Variants in UACA observed in about 807,000 individuals in gnomAD.
UACA encodes uveal autoantigen with coiled-coil domains and ankyrin repeats.
In UACA, 112 loss-of-function variants were observed where a neutral mutation model predicts 160.5. That is an observed-to-expected ratio of 0.70 (90% CI 0.60 to 0.82). The LOEUF (loss-of-function observed/expected upper bound fraction) is 0.82. Among genes scored for constraint, UACA ranks in the 40% least tolerant of loss-of-function variants. The probability of loss-of-function intolerance (pLI) is 0.00; values close to 1 mark genes in which losing one functional copy is unlikely to be tolerated. For missense variants in UACA, 1,574 were observed against 1,614.6 expected, an observed-to-expected ratio of 0.97 and a Z score of 0.43; for synonymous variants, 557 against 568.4, an observed-to-expected ratio of 0.98 and a Z score of 0.29.
upstream of UACA, among the ~76,000 whole-genome samples, chr15:70,766,445 C>CT (rs149241709): frequency 4.7e-5 from 7 of 149,198 alleles, no homozygotes; most frequent in Non-Finnish European, 7.5e-5. Flanking sequence ...TGTTTTACTT[C>CT]TTTTTTTTTT....
upstream of UACA, chr15:70,763,583 C>T (rs368150966): frequency 6.0e-4 from 726 of 1,211,110 alleles, 4 homozygotes; most frequent in African/African-American, 0.01. Context: ...GCTCCCCTCC[C>T]GTAGCCAATT....
intron 1 of UACA, among the ~76,000 whole-genome samples, chr15:70,713,296 C>T (rs1011003755): frequency 6.6e-5 from 10 of 151,958 alleles, no homozygotes; most frequent in African/African-American, 2.4e-4. Flanking sequence ...TGCAGTGAGC[C>T]GAGATCGCGC....
the UACA span, among the ~76,000 whole-genome samples, chr15:70,777,486 C>A: frequency 6.6e-6 from 1 of 151,988 alleles, no homozygotes; most frequent in Admixed American, 6.6e-5. Context: ...CCAGTATCAA[C>A]CAATTGGAAG....
At chr15:70,770,101 C>T in the UACA span, among the ~76,000 whole-genome samples, 1 of 152,160 alleles carries the variant, frequency 6.6e-6, no homozygotes, top group African/African-American at 2.4e-5. Context: ...GTTTTTTGAA[C>T]ATTTGATTAC....
chr15:70,761,938 T>C (rs1348636499), intron 1 of UACA, among the ~76,000 whole-genome samples: 3 of 152,202 alleles, frequency 2.0e-5, no homozygotes, highest in Non-Finnish European at 1.5e-5. Flanking sequence ...CTAATAAATC[T>C]AGAAACTTGT....
intron 1 of UACA, among the ~76,000 whole-genome samples, chr15:70,728,471 G>A (rs922988839): frequency 6.6e-6 from 1 of 151,228 alleles, no homozygotes; most frequent in Admixed American, 6.6e-5. Context: ...GCTGAGGCAG[G>A]AGAATCCCTT....
In UACA at chr15:70,721,897, A is replaced by G. The variant is rs147577869; in HGVS notation, c.79-22237T>C. 9.3e-4 allele frequency among the ~76,000 whole-genome samples: 142 copies of G among 152,322 alleles called. No individual in the cohort carries two copies. In the Middle Eastern group the frequency reaches 0.024, roughly 26 times the overall value. On this transcript the variant is annotated intron_variant, in intron 1 of 18. Coordinates refer to ENST00000322954, the MANE Select transcript of UACA (RefSeq NM_018003.4). Reference sequence around the variant, plus strand: ...GTACAGATTATCTGGTAAACATTCAATTAAAGTGGTTACCTGATTTTATAC... The same window carrying G: ...GTACAGATTATCTGGTAAACATTCAGTTAAAGTGGTTACCTGATTTTATAC...
intron 1 of UACA, among the ~76,000 whole-genome samples, chr15:70,741,430 G>C (rs1313097489): frequency 6.6e-6 from 1 of 152,196 alleles, no homozygotes; most frequent in South Asian, 2.1e-4. Flanking sequence ...AGGAACTGGG[G>C]AGCCCAGCAG....
At chr15:70,727,088 A>G (rs751843490) in intron 1 of UACA, among the ~76,000 whole-genome samples, 6 of 152,200 alleles carry the variant, frequency 3.9e-5, no homozygotes, top group Non-Finnish European at 8.8e-5. Flanking sequence ...GCTGTAGTAT[A>G]AGAAGGTTAG....
At chr15:70,743,262 T>C (rs1436750910) in intron 1 of UACA, among the ~76,000 whole-genome samples, 3 of 152,224 alleles carry the variant, frequency 2.0e-5, no homozygotes, top group Non-Finnish European at 2.9e-5. Context: ...AAACAGCTCA[T>C]GTAATTAGAA....
chr15:70,751,809 T>G (rs1160584834), intron 1 of UACA, among the ~76,000 whole-genome samples: 1 of 152,244 alleles, frequency 6.6e-6, no homozygotes. Context: ...ACACTTCATT[T>G]TCCTTGTTTA....
chr15:70,697,251 G>T (rs1898162125), intron 2 of UACA, among the ~76,000 whole-genome samples: 1 of 152,350 alleles, frequency 6.6e-6, no homozygotes, highest in African/African-American at 2.4e-5. Flanking sequence ...AAGGTAGGAA[G>T]AAGGCCCAGA....
chr15:70,740,448 T>C (rs1393164044), intron 1 of UACA, among the ~76,000 whole-genome samples: 1 of 8,302 alleles, frequency 1.2e-4, no homozygotes, highest in Non-Finnish European at 2.2e-4. Flanking sequence ...GCCTTGTCTC[T>C]ATTAAAAAAA....
chr15:70,678,061 TA>T, intron 11 of UACA, 37 bp downstream of exon 11: 1 of 1,423,176 alleles, frequency 7.0e-7, no homozygotes, highest in Non-Finnish European at 9.6e-7. Flanking sequence ...ATTGATATAG[TA>T]AGACAGTTTA....
At chr15:70,770,730 A>G in the UACA span, among the ~76,000 whole-genome samples, 3 of 152,214 alleles carry the variant, frequency 2.0e-5, no homozygotes, top group Non-Finnish European at 2.9e-5. Flanking sequence ...TTTACTTGAG[A>G]TCAAGACATC....
chr15:70,691,701 A>G (rs1431066434), intron 3 of UACA, among the ~76,000 whole-genome samples: 1 of 152,232 alleles, frequency 6.6e-6, no homozygotes, highest in Non-Finnish European at 1.5e-5. Flanking sequence ...AAGGAGAGAA[A>G]GACAATGAGG....
intron 1 of UACA, among the ~76,000 whole-genome samples, chr15:70,712,755 T>C (rs1426180025): frequency 1.3e-5 from 2 of 152,224 alleles, no homozygotes; most frequent in East Asian, 1.9e-4. Flanking sequence ...AAGAATCCTG[T>C]TGTTTTGACT....
At chr15:70,693,278 A>G (rs1434655558) in intron 3 of UACA, among the ~76,000 whole-genome samples, 1 of 152,172 alleles carries the variant, frequency 6.6e-6, no homozygotes, top group African/African-American at 2.4e-5. Context: ...GCAGCAAAAA[A>G]CCAAGGAAAC....
chr15:70,750,323 C>T (rs908833266), intron 1 of UACA, among the ~76,000 whole-genome samples: 3 of 152,184 alleles, frequency 2.0e-5, no homozygotes, highest in African/African-American at 7.2e-5. Flanking sequence ...GTCCCAACAA[C>T]TCTTGAAAAT....
Sources: allele counts gnomAD v4.1 joint callset (sites outside exome capture counted in the v4.1 genomes callset), GRCh38; gene constraint gnomAD v4.1.1; transcripts MANE v1.5; gene names NCBI Gene and HGNC (gene_info 2026-07-23, HGNC 2026-07-21).